COL4A5: variants seen among roughly 807,000 people sequenced by gnomAD.
The protein encoded by COL4A5 is collagen type IV alpha 5 chain, also known as collagen alpha-5(IV) chain.
In COL4A5, 26 loss-of-function variants were observed where a neutral mutation model predicts 130.2. The observed-to-expected ratio is 0.20, with a 90% CI of 0.15 to 0.28. The LOEUF is 0.28. Ranked by LOEUF, COL4A5 falls within the 10% of genes least tolerant of loss-of-function variation. COL4A5 has a pLI of 1.00. For missense variants in COL4A5, 1,131 were observed against 1,344.3 expected (o/e 0.84, Z 2.48); for synonymous variants, 496 against 439.6 (o/e 1.13, Z -1.60).
intron 43 of COL4A5, among the ~76,000 whole-genome samples, chrX:108,677,273 T>G (rs1367031069): frequency 1.8e-5 from 2 of 112,360 alleles, no homozygotes; most frequent in Non-Finnish European, 3.8e-5. Flanking sequence ...TTGAATTTAA[T>G]ATATAATAAA....
chrX:108,671,053 A>G (rs953041698), intron 42 of COL4A5, among the ~76,000 whole-genome samples: 2 of 111,057 alleles, frequency 1.8e-5, no homozygotes, highest in Admixed American at 9.6e-5. Flanking sequence ...AAAAAAATCA[A>G]TGCAACCAGC....
In COL4A5 at chrX:108,578,099, C is replaced by G. The variant is rs1483952128; in HGVS notation, c.667C>G (p.Gln223Glu). ...GPKGNMGLNF[Q>E]GPKGEKGEQG... ...CCAGGGGAATATGGGCTTAAATTTC[C>G]AGGGACCCAAAGGTGAAAAAGTGAG... Residue 223 changes from glutamine to glutamate, a missense_variant, in exon 12 of 53, where the codon CAG becomes GAG. Physicochemically the swap from Gln to Glu is conservative, Grantham distance 29. Transcript: ENST00000328300. 1.7e-6 allele frequency: 2 copies of G among 1,210,442 alleles called. No homozygotes were observed. The highest frequency in any genetic ancestry group is 3.5e-5 in the South Asian group (2 of 56,884).
intron 1 of COL4A5, among the ~76,000 whole-genome samples, chrX:108,519,423 G>C (rs1301955496): frequency 9.0e-6 from 1 of 110,687 alleles, no homozygotes. Flanking sequence ...CATCCCTTTT[G>C]ACTCCTAGAT....
At chrX:108,689,982 T>C (rs1034854280) in intron 49 of COL4A5, 5 of 751,106 alleles carry the variant, frequency 6.7e-6, no homozygotes, top group Non-Finnish European at 6.3e-6. Context: ...ACTTCCATCA[T>C]TATGGGCCTT....
In COL4A5 at chrX:108,668,515, G is replaced by T; in HGVS notation, c.3790+11G>T. 1.8e-6 allele frequency: 2 copies of T among 1,141,715 alleles called. No individual in the cohort carries two copies. The highest frequency in any genetic ancestry group is 2.3e-6 in the Non-Finnish European group (2 of 859,171). 94.1% of individuals were successfully genotyped at this position (1,141,715 alleles called of 1,213,427 possible). ...CTCCTGGGAGACCAGGTATGTCCGT[G>T]AGTGGTAGGAGAATGGTCTATTTAT... is the stretch of plus-strand genomic sequence containing the variant. On this transcript the variant is annotated intron_variant, in intron 41 of 52. Transcript: ENST00000328300.
intron 21 of COL4A5, among the ~76,000 whole-genome samples, chrX:108,593,203 T>C (rs1442424441): frequency 4.5e-5 from 5 of 111,599 alleles, no homozygotes; most frequent in Non-Finnish European, 9.4e-5. Context: ...TGCTGGGTTA[T>C]AGGTTAGGTG....
In COL4A5 at chrX:108,652,162, G is replaced by A. The variant is rs924169512; in HGVS notation, c.3247-3169G>A. The stretch of plus-strand genomic sequence containing the variant: ...GATGGATATGTGTAGTACTTTGATT[G>A]TGCTTATGGTATCATGGGTATATGC... On this transcript the variant is annotated intron_variant, in intron 36 of 52. Coordinates refer to ENST00000328300, the MANE Select transcript of COL4A5 (RefSeq NM_033380.3). Among the ~76,000 whole-genome samples the A allele has an allele frequency of 9.8e-5, 11 of 111,784 alleles. No homozygotes were observed. In the South Asian group the frequency reaches 2.6e-3, roughly 26 times the overall value.
At chrX:108,603,890 C>A (rs1432304213) in intron 28 of COL4A5, among the ~76,000 whole-genome samples, 1 of 112,062 alleles carries the variant, frequency 8.9e-6, no homozygotes, top group Non-Finnish European at 1.9e-5. Context: ...GCATCTTCAC[C>A]AGGGTAGATT....
At chrX:108,484,792 C>G (rs1001489596) in intron 1 of COL4A5, among the ~76,000 whole-genome samples, 1 of 112,270 alleles carries the variant, frequency 8.9e-6, no homozygotes, top group Non-Finnish European at 1.9e-5. Flanking sequence ...CTCAATGCAA[C>G]GACTTCTTGG....
intron 1 of COL4A5, among the ~76,000 whole-genome samples, chrX:108,441,176 A>C (rs376287857): frequency 8.9e-5 from 10 of 112,313 alleles, no homozygotes; most frequent in Non-Finnish European, 5.6e-5. Context: ...GTGAGAGAAA[A>C]TGTTCTCCAG....
Position 108,687,631 on chromosome X carries a change from G to T in COL4A5, c.4465G>T (p.Val1489Phe), listed in dbSNP as rs767690504. The T allele has an allele frequency of 8.3e-7, 1 of 1,211,211 alleles. No homozygotes were observed. The highest frequency in any genetic ancestry group is 1.1e-6 in the Non-Finnish European group (1 of 895,347). The change falls in exon 49 of 53, where the codon GTC (valine) becomes TTC (phenylalanine). Residue 1489 changes from valine (V) to phenylalanine (F), a missense_variant. Val to Phe is a conservative substitution (Grantham distance 50). Coordinates refer to ENST00000328300, the MANE Select transcript of COL4A5 (RefSeq NM_033380.3). Reference sequence around the variant, plus strand: ...ACAATGCCCACAGGGAACACTTCAGGTCTATGAAGGCTTTTCTCTCCTGTA... The same window carrying T: ...ACAATGCCCACAGGGAACACTTCAGTTCTATGAAGGCTTTTCTCTCCTGTA... ...APQCPQGTLQ[V>F]YEGFSLLYVQ...
chrX:108,490,106 C>T (rs182275749), intron 1 of COL4A5, among the ~76,000 whole-genome samples: 1 of 111,723 alleles, frequency 9.0e-6, no homozygotes, highest in Admixed American at 9.5e-5. Flanking sequence ...TAATCTGCCA[C>T]TCTATATTCA....
chrX:108,480,109 C>T (rs993751197), intron 1 of COL4A5, among the ~76,000 whole-genome samples: 2 of 111,749 alleles, frequency 1.8e-5, no homozygotes, highest in Admixed American at 1.9e-4. Context: ...GTGTTCCGGA[C>T]CCCACTCAAA....
At chrX:108,463,528 C>T (rs1242156028) in intron 1 of COL4A5, among the ~76,000 whole-genome samples, 1 of 111,391 alleles carries the variant, frequency 9.0e-6, no homozygotes, top group Non-Finnish European at 1.9e-5. Context: ...TAGGGTTTTA[C>T]TGAAGAAAGG....
At chrX:108,566,538 GT>G (rs112673587) in intron 4 of COL4A5, among the ~76,000 whole-genome samples, 202 of 103,955 alleles carry the variant, frequency 1.9e-3, no homozygotes, top group African/African-American at 5.5e-3. Flanking sequence ...GAATGTTAGG[GT>G]TTTTTTTTTT....
chrX:108,441,698 G>A (rs2064401358), intron 1 of COL4A5, among the ~76,000 whole-genome samples: 1 of 112,034 alleles, frequency 8.9e-6, no homozygotes, highest in South Asian at 3.7e-4. Flanking sequence ...CAATTGTGCT[G>A]TTGAAAATAG....
intron 19 of COL4A5, among the ~76,000 whole-genome samples, chrX:108,589,474 C>T (rs1330739825): frequency 9.0e-6 from 1 of 110,693 alleles, no homozygotes; most frequent in Non-Finnish European, 1.9e-5. Context: ...GGACTAAACA[C>T]TGATTAAAAG....
intron 1 of COL4A5, among the ~76,000 whole-genome samples, chrX:108,465,497 C>T (rs1266570914): frequency 8.9e-6 from 1 of 111,819 alleles, no homozygotes; most frequent in Non-Finnish European, 1.9e-5. Context: ...CATAAATATA[C>T]ACACACGTAT....
intron 19 of COL4A5, 94 bp downstream of exon 19, chrX:108,586,841 G>C: frequency 1.0e-6 from 1 of 953,173 alleles, no homozygotes; most frequent in Non-Finnish European, 1.5e-6. Flanking sequence ...CAGCATGGAA[G>C]TAGGAGACAC....
Sources: gnomAD v4.1 joint callset for allele counts (sites outside exome capture counted in the v4.1 genomes callset) on GRCh38, gnomAD v4.1.1 for gene constraint, MANE v1.5 for transcripts, NCBI Gene and HGNC (gene_info 2026-07-23, HGNC 2026-07-21) for gene names.